VCL: variants seen among roughly 807,000 people sequenced by gnomAD.
VCL encodes the protein epididymis luminal protein 114.
In VCL, 47 loss-of-function variants were observed where a neutral mutation model predicts 125.7. That is an observed-to-expected ratio of 0.37 (90% confidence interval 0.30 to 0.48). VCL has a LOEUF of 0.48. VCL is among the 20% of genes least tolerant of loss of function. The pLI is 0.99. For synonymous variants in VCL, 458 were observed against 514.6 expected, an observed-to-expected ratio of 0.89 and a Z score of 1.49; for missense variants, 1,069 against 1,455.5, an observed-to-expected ratio of 0.73 and a Z score of 4.32.
chr10:74,069,989 A>C (rs1841638533), intron 2 of VCL, among the ~76,000 whole-genome samples: 1 of 152,154 alleles, frequency 6.6e-6, no homozygotes, highest in African/African-American at 2.4e-5. Context: ...TTTTCATTTT[A>C]ATTTTTAAAT....
In VCL at chr10:74,054,882, T is replaced by C. The variant is rs531734074; in HGVS notation, c.239+11729T>C. Reference sequence around the variant, plus strand: ...GTTGCAGTGAGCTGAGATCACGCCATTGCACTTCAGCCTGGGTGACAGAGC... The same window carrying C: ...GTTGCAGTGAGCTGAGATCACGCCACTGCACTTCAGCCTGGGTGACAGAGC... On this transcript the variant is annotated intron_variant, in intron 2 of 21. Coordinates refer to ENST00000211998, the MANE Select transcript of VCL (RefSeq NM_014000.3). Among the ~76,000 whole-genome samples the C allele has an allele frequency of 1.5e-4, 23 of 151,814 alleles. No individual in the cohort carries two copies. The South Asian group carries it at 4.6e-3, about 30-fold the overall frequency.
At position 74,101,280 on chromosome 10, in the gene VCL, G is replaced by GT. The variant is rs199610574; in HGVS notation, c.2022+186dup. 0.038 allele frequency among the ~76,000 whole-genome samples: 5,766 copies of GT among 151,792 alleles called. 409 individuals are homozygous for GT. The highest frequency in any genetic ancestry group is 0.13 in the African/African-American group (5,410 of 41,324). On this transcript the variant is annotated intron_variant, in intron 14 of 21. Transcript: ENST00000211998. ...GCGGGAGGACTGCTTGAGCCTGGGA[G>GT]TTTGAGACCAGCCTGGGCAATACAG... is the stretch of plus-strand genomic sequence containing the variant.
intron 10 of VCL, 130 bp downstream of exon 10, chr10:74,090,328 T>C: frequency 3.0e-6 from 3 of 993,900 alleles, no homozygotes; most frequent in South Asian, 1.5e-5. Flanking sequence ...AATGCACTTA[T>C]GATGCTCTTC....
intron 1 of VCL, among the ~76,000 whole-genome samples, chr10:74,035,153 GTCTT>G (rs1388198111): frequency 1.3e-5 from 2 of 151,910 alleles, no homozygotes; most frequent in African/African-American, 2.4e-5. Flanking sequence ...GCTTTGTTTT[GTCTT>G]TCTGTTTTCT....
intron 2 of VCL, among the ~76,000 whole-genome samples, chr10:74,048,925 G>A (rs1841244748): frequency 6.6e-6 from 1 of 152,032 alleles, no homozygotes; most frequent in African/African-American, 2.4e-5. Context: ...TCGAGACCAC[G>A]GTGAAACCCC....
chr10:74,089,301 C>G lies in VCL; in HGVS notation c.1128C>G (p.Ala376=). 1 of 1,614,142 alleles carries G rather than the reference C, an allele frequency of 6.2e-7. No individual in the cohort carries two copies. Among genetic ancestry groups the G allele is most frequent in the South Asian group, 1.1e-5 (1 of 91,074 alleles). Residue 376 remains alanine, a synonymous_variant, in exon 9 of 22, where the codon GCC becomes GCG. Coordinates refer to ENST00000211998, the MANE Select transcript of VCL (RefSeq NM_014000.3). ...KVENAARKLE[A]MTNSKQSIAK... is the part of the protein sequence containing the mutation. Reference sequence around the variant, plus strand: ...AAAATGCAGCTCGCAAGCTGGAAGCCATGACCAACTCAAAGCAGAGCATTG... The same window carrying G: ...AAAATGCAGCTCGCAAGCTGGAAGCGATGACCAACTCAAAGCAGAGCATTG...
At chr10:74,033,402 C>A (rs1382043534) in intron 1 of VCL, among the ~76,000 whole-genome samples, 1 of 152,116 alleles carries the variant, frequency 6.6e-6, no homozygotes, top group East Asian at 1.9e-4. Context: ...GTTACTAGGT[C>A]TCTTTCTGGA....
chr10:74,091,594 G>A lies in VCL; in HGVS notation c.1352+1396G>A, dbSNP rs149372169. On this transcript the variant is annotated intron_variant, in intron 10 of 21. Transcript: ENST00000211998. Reference sequence around the variant, plus strand: ...TCAGGAATTCAAGACCAGCCTGCCAGCCTGGCCAACATGGTGAAACCCTGT... The same window carrying A: ...TCAGGAATTCAAGACCAGCCTGCCAACCTGGCCAACATGGTGAAACCCTGT... 4.1e-3 allele frequency among the ~76,000 whole-genome samples: 624 copies of A among 151,882 alleles called. 2 individuals carry two copies. Among genetic ancestry groups the A allele is most frequent in the Middle Eastern group, 0.024 (7 of 294 alleles).
intron 2 of VCL, among the ~76,000 whole-genome samples, chr10:74,044,742 C>T (rs1047637462): frequency 5.3e-5 from 8 of 152,154 alleles, no homozygotes; most frequent in Admixed American, 1.3e-4. Flanking sequence ...TTCATGATGA[C>T]CCCACTGGTC....
chr10:74,092,520 GGCAACTGGAA>G, intron 10 of VCL, among the ~76,000 whole-genome samples: 1 of 152,092 alleles, frequency 6.6e-6, no homozygotes, highest in Non-Finnish European at 1.5e-5. Flanking sequence ...CCAGATCTTG[GGCAACTGGAA>G]GCCCCTCCCT....
rs968920523 is a variant in VCL, at chr10:73,998,122, T to C, written c.-86T>C. The C allele has an allele frequency of 1.9e-6, 3 of 1,556,482 alleles. No individual in the cohort carries two copies. Among genetic ancestry groups the C allele is most frequent in the African/African-American group, 1.4e-5 (1 of 73,382 alleles). ...AGGGAAGCCCCGACTCCGTAGTCGC[T>C]GCACAGTCTGTCTCTTCGCCGGTTC... is the stretch of plus-strand genomic sequence containing the variant. On this transcript the variant is annotated 5_prime_UTR_variant, in exon 1 of 22. Transcript: ENST00000211998.
chr10:74,016,289 C>T (rs1216079570), intron 1 of VCL, among the ~76,000 whole-genome samples: 1 of 151,968 alleles, frequency 6.6e-6, no homozygotes, highest in Non-Finnish European at 1.5e-5. Flanking sequence ...GAGCTTAATA[C>T]CAGAGAGAGA....
Position 74,094,481 on chromosome 10 carries a change from A to C in VCL, c.1543+20A>C. ...GAGTCGGTAAGGGCAGCAGTGCACT[A>C]TAACCTCATTAAATTGGTCTCAGTG... On this transcript the variant is annotated intron_variant, in intron 11 of 21. Coordinates refer to ENST00000211998, the MANE Select transcript of VCL (RefSeq NM_014000.3). The C allele has an allele frequency of 6.2e-7, 1 of 1,609,100 alleles. No homozygotes were observed. The highest frequency in any genetic ancestry group is 8.5e-7 in the Non-Finnish European group (1 of 1,177,602).
intron 1 of VCL, among the ~76,000 whole-genome samples, chr10:73,999,123 A>G (rs1366572212): frequency 3.9e-5 from 6 of 151,976 alleles, no homozygotes; most frequent in Non-Finnish European, 7.4e-5. Context: ...CCTCCTGTGG[A>G]CATTTTCACC....
intron 1 of VCL, among the ~76,000 whole-genome samples, chr10:74,028,393 C>CTTTT (rs1159824812): frequency 4.9e-5 from 6 of 121,756 alleles, no homozygotes; most frequent in African/African-American, 9.3e-5. Flanking sequence ...CTTAAGTAAT[C>CTTTT]TTTTTTTTTT....
intron 6 of VCL, chr10:74,077,898 T>C: frequency 7.6e-6 from 2 of 261,986 alleles, no homozygotes; most frequent in Non-Finnish European, 1.5e-5. Context: ...TTTAAACACT[T>C]CACTTATTTT....
chr10:74,111,604 A>G (rs1000120226), intron 18 of VCL, among the ~76,000 whole-genome samples: 3 of 152,204 alleles, frequency 2.0e-5, no homozygotes, highest in African/African-American at 7.2e-5. Context: ...GTTTGACTTT[A>G]GTATCAAGTA....
chr10:74,046,938 G>C (rs578108308), intron 2 of VCL, among the ~76,000 whole-genome samples: 1 of 152,146 alleles, frequency 6.6e-6, no homozygotes, highest in African/African-American at 2.4e-5. Context: ...AAAAAATTTG[G>C]TCACTTTAAA....
chr10:74,107,422 A>G (rs1223897521), intron 17 of VCL, 68 bp downstream of exon 17: 12 of 1,612,352 alleles, frequency 7.4e-6, no homozygotes, highest in Non-Finnish European at 6.8e-6. Flanking sequence ...AGAGAGGTAG[A>G]TTGTGTTTTA....
Sources: gnomAD v4.1 joint callset for allele counts (sites outside exome capture counted in the v4.1 genomes callset) on GRCh38, gnomAD v4.1.1 for gene constraint, MANE v1.5 for transcripts, NCBI Gene and HGNC (gene_info 2026-07-23, HGNC 2026-07-21) for gene names.